The following ELOVL7 variants were observed in gnomAD, a reference collection of about 807,000 sequenced individuals.
ELOVL7 encodes very long chain fatty acid elongase 7.
ELOVL7 carries 27 observed loss-of-function variants against 35.7 expected under a neutral mutation model. The observed-to-expected ratio is 0.76, with a 90% CI of 0.56 to 1.04. The LOEUF (loss-of-function observed/expected upper bound fraction) is 1.04, where lower values mean the gene tolerates loss of function less well. Ranked by LOEUF, ELOVL7 falls within the 50% of genes least tolerant of loss-of-function variation. The pLI is 0.00. For synonymous variants in ELOVL7, 113 were observed against 114.6 expected (o/e 0.99, Z 0.09); for missense variants, 327 against 340.8 (o/e 0.96, Z 0.32).
intron 1 of ELOVL7, among the ~76,000 whole-genome samples, chr5:60,842,378 T>C (rs1029316611): frequency 2.6e-5 from 4 of 151,780 alleles, no homozygotes; most frequent in Non-Finnish European, 4.4e-5. Context: ...CGGAATATTA[T>C]AATGTGCACT....
intron 5 of ELOVL7, 63 bp from the exon 6 acceptor site, chr5:60,766,693 A>G: frequency 6.7e-7 from 1 of 1,496,902 alleles, no homozygotes; most frequent in Non-Finnish European, 9.2e-7. Context: ...ATATTTTTAA[A>G]TTTTGGTAAA....
chr5:60,834,700 T>A (rs1746683740), intron 1 of ELOVL7, among the ~76,000 whole-genome samples: 1 of 152,098 alleles, frequency 6.6e-6, no homozygotes, highest in African/African-American at 2.4e-5. Context: ...GAATGCTAAG[T>A]GAAGGTTCTG....
chr5:60,815,890 C>T (rs2112334088), intron 1 of ELOVL7, among the ~76,000 whole-genome samples: 1 of 152,276 alleles, frequency 6.6e-6, no homozygotes, highest in South Asian at 2.1e-4. Flanking sequence ...CAGTTTTTAT[C>T]TGAGGTCAAT....
chr5:60,809,173 A>G lies in ELOVL7; in HGVS notation c.-85-9943T>C, dbSNP rs1745112723. Among the ~76,000 whole-genome samples, 2 of 152,200 alleles carry G rather than the reference A, an allele frequency of 1.3e-5. 1 individual carries two copies. The highest frequency in any genetic ancestry group is 4.1e-4 in the South Asian group (2 of 4,828). On this transcript the variant is annotated intron_variant, in intron 1 of 8. Transcript: ENST00000508821. ...CTATTTTAAAATGTTTAAAAATGAA[A>G]GAAAGAAAAAGAATGTTAAGATGAC...
intron 4 of ELOVL7, 21 bp downstream of exon 4, chr5:60,771,882 A>C (rs1257815767): frequency 2.1e-5 from 32 of 1,523,216 alleles, no homozygotes; most frequent in Non-Finnish European, 2.8e-5. Flanking sequence ...TTCTCCCATT[A>C]GGAATACTGA....
chr5:60,794,924 T>C (rs1400173593), intron 2 of ELOVL7, among the ~76,000 whole-genome samples: 2 of 152,158 alleles, frequency 1.3e-5, no homozygotes, highest in Non-Finnish European at 2.9e-5. Context: ...AACCTTCCTA[T>C]GGGAAGATTT....
intron 7 of ELOVL7, among the ~76,000 whole-genome samples, chr5:60,760,524 A>G (rs1260818473): frequency 1.3e-5 from 2 of 152,142 alleles, no homozygotes; most frequent in Non-Finnish European, 2.9e-5. Context: ...AGTTCATTGT[A>G]GATTCTGGAT....
intron 4 of ELOVL7, among the ~76,000 whole-genome samples, 185 bp from the exon 5 acceptor site, chr5:60,768,088 C>G (rs1447615268): frequency 2.0e-5 from 3 of 152,184 alleles, no homozygotes; most frequent in Non-Finnish European, 4.4e-5. Flanking sequence ...CAAGAATTTT[C>G]AAAACCACAA....
chr5:60,813,766 G>C lies in ELOVL7; in HGVS notation c.-85-14536C>G, dbSNP rs146191526. Among the ~76,000 whole-genome samples, 61 of 152,190 alleles carry C rather than the reference G, an allele frequency of 4.0e-4. No individual in the cohort carries two copies. The East Asian group carries it at 9.5e-3, about 24-fold the overall frequency. ...AAGAGGGGAAGCAGGAGATAAACTC[G>C]ACAGGTAGATTGGGGCTGACTAAGA... On this transcript the variant is annotated intron_variant, in intron 1 of 8. Coordinates refer to ENST00000508821, the MANE Select transcript of ELOVL7 (RefSeq NM_024930.3).
Position 60,752,723 on chromosome 5 carries a change from T to TGGG in ELOVL7, c.*1898_*1900dup, listed in dbSNP as rs1247699001. 1 of 151,890 alleles carries TGGG rather than the reference T, an allele frequency of 6.6e-6. No individual in the cohort carries two copies. Among genetic ancestry groups the TGGG allele is most frequent in the Non-Finnish European group, 1.5e-5 (1 of 67,958 alleles). The allele number at this position is 151,890 out of a possible 1,614,324, so 9.4% of individuals were successfully genotyped here. On this transcript the variant is annotated 3_prime_UTR_variant, in exon 9 of 9. Coordinates refer to ENST00000508821, the MANE Select transcript of ELOVL7 (RefSeq NM_024930.3). ...ATCCCAGAACTTTGGGAGGCCGAGG[T>TGGG]GGGAGGATCACCTGAGGTCAGGAGC...
intron 3 of ELOVL7, among the ~76,000 whole-genome samples, chr5:60,786,924 A>G (rs561505239): frequency 4.3e-4 from 65 of 151,164 alleles, no homozygotes; most frequent in African/African-American, 1.5e-3. Context: ...GCACCACTGC[A>G]CTCCAGCTTG....
At chr5:60,787,082 C>T (rs1743644049) in intron 3 of ELOVL7, among the ~76,000 whole-genome samples, 1 of 152,152 alleles carries the variant, frequency 6.6e-6, no homozygotes, top group Non-Finnish European at 1.5e-5. Flanking sequence ...AATGAGTCAT[C>T]ATTTATTGAT....
chr5:60,829,454 A>C (rs1746356903), intron 1 of ELOVL7, among the ~76,000 whole-genome samples: 1 of 152,198 alleles, frequency 6.6e-6, no homozygotes, highest in Admixed American at 6.5e-5. Context: ...GAATTTTCTC[A>C]TTACATGGAA....
At chr5:60,798,186 T>C (rs995218427) in intron 2 of ELOVL7, among the ~76,000 whole-genome samples, 5 of 152,186 alleles carry the variant, frequency 3.3e-5, no homozygotes, top group Non-Finnish European at 5.9e-5. Flanking sequence ...CAGATACGTG[T>C]CCTCAACTTT....
intron 2 of ELOVL7, among the ~76,000 whole-genome samples, chr5:60,793,548 T>C (rs915890807): frequency 6.6e-6 from 1 of 152,192 alleles, no homozygotes; most frequent in Non-Finnish European, 1.5e-5. Flanking sequence ...AGACTCCTGA[T>C]ACCCAAGAAA....
intron 1 of ELOVL7, among the ~76,000 whole-genome samples, chr5:60,833,271 C>T (rs535115672): frequency 2.0e-5 from 3 of 152,270 alleles, no homozygotes; most frequent in Admixed American, 6.5e-5. Flanking sequence ...GCCTCGTGTC[C>T]TCAACAGTAT....
At chr5:60,783,950 T>C (rs763777156) in intron 3 of ELOVL7, 1 of 560,302 alleles carries the variant, frequency 1.8e-6, no homozygotes, top group Non-Finnish European at 3.3e-6. Flanking sequence ...AGTAGAGCCA[T>C]GATAGAAGCA....
At chr5:60,800,522 A>G (rs1324631989) in intron 1 of ELOVL7, among the ~76,000 whole-genome samples, 1 of 152,242 alleles carries the variant, frequency 6.6e-6, no homozygotes, top group Non-Finnish European at 1.5e-5. Flanking sequence ...AATACTCAGC[A>G]GTAAAGAGTT....
intron 2 of ELOVL7, among the ~76,000 whole-genome samples, chr5:60,788,013 A>G (rs1743702890): frequency 6.6e-6 from 1 of 152,200 alleles, no homozygotes; most frequent in African/African-American, 2.4e-5. Flanking sequence ...AAGAAATCTG[A>G]AAAAGAAGAC....
Sources: allele counts gnomAD v4.1 joint callset (sites outside exome capture counted in the v4.1 genomes callset), GRCh38; gene constraint gnomAD v4.1.1; transcripts MANE v1.5; gene names NCBI Gene and HGNC (gene_info 2026-07-23, HGNC 2026-07-21).